Variants in SAMHD1 observed in about 807,000 individuals in gnomAD.
SAMHD1 encodes deoxynucleoside triphosphate triphosphohydrolase SAMHD1.
In SAMHD1, 54 loss-of-function variants were observed where a neutral mutation model predicts 79.6. The observed-to-expected ratio is 0.68, with a 90% CI of 0.55 to 0.85. The LOEUF is 0.85. Among genes scored for constraint, SAMHD1 ranks in the 40% least tolerant of loss-of-function variants. The pLI is 0.00. For missense variants in SAMHD1, 663 were observed against 782.7 expected (o/e 0.85, Z 1.82); for synonymous variants, 260 against 264.1 (o/e 0.98, Z 0.15).
intron 1 of SAMHD1, among the ~76,000 whole-genome samples, chr20:36,948,837 AGCCT>A (rs1316975235): frequency 2.0e-5 from 3 of 149,654 alleles, no homozygotes; most frequent in Non-Finnish European, 3.0e-5. Flanking sequence ...ACTGCATTTC[AGCCT>A]GGCGACAGAG....
At chr20:36,931,401 T>C in intron 4 of SAMHD1, among the ~76,000 whole-genome samples, 1 of 152,134 alleles carries the variant, frequency 6.6e-6, no homozygotes, top group Non-Finnish European at 1.5e-5. Context: ...TTTGGGAGGC[T>C]GAGGCGGGCA....
Position 36,916,954 on chromosome 20 carries a change from A to G in SAMHD1, c.948T>C (p.Phe316=). 1 of 1,611,442 alleles carries G rather than the reference A, an allele frequency of 6.2e-7. No individual in the cohort carries two copies. The highest frequency in any genetic ancestry group is 8.5e-7 in the Non-Finnish European group (1 of 1,177,582). Residue 316 remains phenylalanine, a synonymous_variant, in exon 8 of 16, where the codon TTT becomes TTC. Transcript: ENST00000646673. ...NGIDVDKWDY[F]ARDCHHLGIQ... The stretch of plus-strand genomic sequence containing the variant: ...CAGAAGTGTTCAGTGCATACCTGGC[A>G]AAATAATCCCATTTGTCCACATCAA...
rs1555830170 is a variant in SAMHD1 at position 36,890,418 on chromosome 20, C to CTTTCTTTCTTTCTTTCT, written c.*2513_*2514insAGAAAGAAAGAAAGAAA. 5 of 17,802 alleles carry CTTTCTTTCTTTCTTTCT rather than the reference C, an allele frequency of 2.8e-4. No homozygotes were observed. The highest frequency in any genetic ancestry group is 2.7e-3 in the South Asian group (1 of 366). 1.1% of individuals were successfully genotyped at this position (17,802 alleles called of 1,614,324 possible). ...TTTCTCTTTCTTTCTTTCTTTCTTT[C>CTTTCTTTCTTTCTTTCT]TTTTCTTTCTCTCTTTCCTTCCTTC... On this transcript the variant is annotated 3_prime_UTR_variant, in exon 16 of 16. Coordinates refer to ENST00000646673, the MANE Select transcript of SAMHD1 (RefSeq NM_015474.4).
chr20:36,896,385 T>C (rs1002341700), intron 15 of SAMHD1, among the ~76,000 whole-genome samples: 4 of 152,178 alleles, frequency 2.6e-5, no homozygotes, highest in Non-Finnish European at 4.4e-5. Context: ...TAGTTGGAGA[T>C]GACACACATT....
At chr20:36,908,924 T>G (rs925658173) in intron 11 of SAMHD1, among the ~76,000 whole-genome samples, 2 of 152,142 alleles carry the variant, frequency 1.3e-5, no homozygotes, top group African/African-American at 4.8e-5. Context: ...GTAAGCTATG[T>G]GATTGCTTTC....
At chr20:36,920,832 A>C (rs1269391062) in intron 6 of SAMHD1, among the ~76,000 whole-genome samples, 2 of 151,996 alleles carry the variant, frequency 1.3e-5, no homozygotes, top group Non-Finnish European at 2.9e-5. Flanking sequence ...TTGTAATCCT[A>C]GCATTTTTTT....
chr20:36,947,385 G>GGTGTGTGTGATTTGGAAGAGGTGTGT lies in SAMHD1; in HGVS notation c.209-607_209-582dup, dbSNP rs143230292. Among the ~76,000 whole-genome samples the GGTGTGTGTGATTTGGAAGAGGTGTGT allele has an allele frequency of 4.1e-4, 30 of 73,300 alleles. 6 individuals carry two copies. In the East Asian group the frequency reaches 8.1e-3, roughly 20 times the overall value. 48.1% of individuals were successfully genotyped at this position (73,300 alleles called of 152,430 possible). ...GCACTCAATACTCTGATTTGGAAGA[G>GGTGTGTGTGATTTGGAAGAGGTGTGT]GTGTGTGTGATTTGGAAGAGGTGTG... On this transcript the variant is annotated intron_variant, in intron 1 of 15. Coordinates refer to ENST00000646673, the MANE Select transcript of SAMHD1 (RefSeq NM_015474.4).
intron 11 of SAMHD1, among the ~76,000 whole-genome samples, chr20:36,909,322 A>G (rs1184465281): frequency 2.0e-5 from 3 of 152,054 alleles, no homozygotes; most frequent in African/African-American, 7.3e-5. Flanking sequence ...ACTGGTGTAC[A>G]CTTTTTGTTC....
intron 6 of SAMHD1, among the ~76,000 whole-genome samples, chr20:36,925,448 C>G (rs1236833056): frequency 1.3e-5 from 2 of 152,160 alleles, no homozygotes; most frequent in Non-Finnish European, 2.9e-5. Flanking sequence ...AAGGGCAGGC[C>G]CCAGGACAGA....
rs1364956260 is a variant in SAMHD1, at chr20:36,934,832, AT to A, written c.509+196del. On this transcript the variant is annotated intron_variant, in intron 4 of 15. Coordinates refer to ENST00000646673, the MANE Select transcript of SAMHD1 (RefSeq NM_015474.4). Reference sequence around the variant, plus strand: ...CACAATCATGTCTGGCTAATTTTGTATTTGTAGTAAAGATGGGGTTTCACAA... The same window carrying A: ...CACAATCATGTCTGGCTAATTTTGTATTGTAGTAAAGATGGGGTTTCACAA... 2.0e-5 allele frequency: 10 copies of A among 512,334 alleles called. No individual in the cohort carries two copies. The Admixed American group carries it at 3.0e-4, about 15-fold the overall frequency. 31.7% of individuals were successfully genotyped at this position (512,334 alleles called of 1,614,324 possible). A position where few individuals can be genotyped will look rare whatever the true frequency, so the allele number is the denominator to read the frequency against.
chr20:36,910,012 C>G (rs1358714319), intron 11 of SAMHD1, among the ~76,000 whole-genome samples: 1 of 151,870 alleles, frequency 6.6e-6, no homozygotes, highest in Non-Finnish European at 1.5e-5. Flanking sequence ...ATCATGAGGT[C>G]AGGAGATCGA....
At chr20:36,918,151 G>GTAT (rs796383148) in intron 7 of SAMHD1, among the ~76,000 whole-genome samples, 3 of 151,866 alleles carry the variant, frequency 2.0e-5, no homozygotes, top group African/African-American at 7.2e-5. Flanking sequence ...CAGGGTTTCA[G>GTAT]TATTACCCAG....
chr20:36,902,503 G>A (rs1452898246), intron 13 of SAMHD1, among the ~76,000 whole-genome samples: 3 of 151,986 alleles, frequency 2.0e-5, no homozygotes, highest in Non-Finnish European at 4.4e-5. Context: ...TTAGAGACTG[G>A]GAGAATCACA....
At chr20:36,940,032 C>G (rs2063631504) in intron 3 of SAMHD1, 1 of 151,948 alleles carries the variant, frequency 6.6e-6, no homozygotes, top group Admixed American at 6.6e-5. Flanking sequence ...TGATGAAACC[C>G]CAACTCTACT....
intron 13 of SAMHD1, among the ~76,000 whole-genome samples, chr20:36,902,630 A>G (rs1990325939): frequency 6.6e-6 from 1 of 152,160 alleles, no homozygotes; most frequent in African/African-American, 2.4e-5. Context: ...AGATGTTTAG[A>G]TTTGATTCAT....
At chr20:36,939,772 A>T (rs2063629397) in intron 3 of SAMHD1, among the ~76,000 whole-genome samples, 1 of 152,208 alleles carries the variant, frequency 6.6e-6, no homozygotes. Flanking sequence ...GATATCCTAC[A>T]TCTTCTCCCA....
At chr20:36,945,775 G>A (rs2063681811) in intron 2 of SAMHD1, among the ~76,000 whole-genome samples, 1 of 151,670 alleles carries the variant, frequency 6.6e-6, no homozygotes. Context: ...GCTGGGCATG[G>A]TGGTGCATGC....
At chr20:36,951,313 G>A (rs1463540837) in intron 1 of SAMHD1, 123 bp downstream of exon 1, 8 of 1,389,426 alleles carry the variant, frequency 5.8e-6, no homozygotes, top group Non-Finnish European at 7.9e-6. Flanking sequence ...GCCCTCCCGG[G>A]TGCCTCCCGC....
rs1990227839 is a variant in SAMHD1, at chr20:36,897,945, C to T, written c.1623G>A (p.Leu541=). ...TCAGCTGCTCTGCAAATTTCTCTGGCAGAAGTTGTGAAACCTTTTTAAAAT... is the reference window on the plus strand; with the variant it reads ...TCAGCTGCTCTGCAAATTTCTCTGGTAGAAGTTGTGAAACCTTTTTAAAAT... ...RITKNQVSQL[L]PEKFAEQLIR... Residue 541 remains leucine, a synonymous_variant, in exon 15 of 16, where the codon CTG becomes CTA. Transcript: ENST00000646673. 1.8e-5 allele frequency: 29 copies of T among 1,614,220 alleles called. No homozygotes were observed. In the Middle Eastern group the frequency reaches 9.9e-4, roughly 55 times the overall value.
Sources: allele counts gnomAD v4.1 joint callset (sites outside exome capture counted in the v4.1 genomes callset), GRCh38; gene constraint gnomAD v4.1.1; transcripts MANE v1.5; gene names NCBI Gene and HGNC (gene_info 2026-07-23, HGNC 2026-07-21).